Variants in COL6A3 observed in about 807,000 individuals in gnomAD.
COL6A3 encodes the protein collagen alpha-3(VI) chain.
COL6A3 carries 137 observed loss-of-function variants against 274.1 expected under a neutral mutation model. The ratio of observed to expected loss-of-function variants is 0.50; its 90% confidence interval spans 0.44 to 0.58. The LOEUF (loss-of-function observed/expected upper bound fraction) is 0.58. Ranked by LOEUF, COL6A3 falls within the 20% of genes least tolerant of loss-of-function variation. The probability of loss-of-function intolerance (pLI) is 0.00; values close to 1 mark genes in which losing one functional copy is unlikely to be tolerated. For synonymous variants in COL6A3, 1,650 were observed against 1,650.6 expected (o/e 1.00, Z 0.01); for missense variants, 3,950 against 4,124.9 (o/e 0.96, Z 1.16).
intron 3 of COL6A3, among the ~76,000 whole-genome samples, chr2:237,389,536 A>T (rs533673231): frequency 4.6e-5 from 7 of 152,318 alleles, no homozygotes; most frequent in African/African-American, 1.4e-4. Flanking sequence ...TCCTTGTGCC[A>T]ACAAAATTGT....
At chr2:237,377,639 G>A (rs2077884339) in intron 6 of COL6A3, among the ~76,000 whole-genome samples, 2 of 152,152 alleles carry the variant, frequency 1.3e-5, no homozygotes, top group East Asian at 3.8e-4. Context: ...TACATCAGGT[G>A]GCAATCGCTC....
intron 11 of COL6A3, 75 bp downstream of exon 11, chr2:237,366,612 A>C: frequency 6.2e-7 from 1 of 1,610,202 alleles, no homozygotes; most frequent in South Asian, 1.1e-5. Flanking sequence ...AGAGGTCAGC[A>C]CCAGGGACCA....
At chr2:237,402,114 C>T (rs1377741753) in intron 1 of COL6A3, among the ~76,000 whole-genome samples, 1 of 152,030 alleles carries the variant, frequency 6.6e-6, no homozygotes, top group Non-Finnish European at 1.5e-5. Flanking sequence ...TGAAATAAGC[C>T]AGTCACTAAA....
At position 237,377,224 on chromosome 2, in the gene COL6A3, G is replaced by A. The variant is rs1353760988; in HGVS notation, c.2618C>T (p.Thr873Ile). The A allele has an allele frequency of 6.2e-7, 1 of 1,613,266 alleles. No individual in the cohort carries two copies. Among genetic ancestry groups the A allele is most frequent in the South Asian group, 1.1e-5 (1 of 91,076 alleles). Residue 873 changes from threonine (T) to isoleucine (I), a missense_variant, in exon 7 of 44, where the codon ACC becomes ATC. Transcript: ENST00000295550. ...GCTGTACTGAGCCACCGCAATTCGG[G>A]TCCCCTCTGGCTTCACATTGAGCTC... ...IDELNVKPEGTRIAVAQYSDD... is the reference protein window; with the variant it reads ...IDELNVKPEGIRIAVAQYSDD...
rs969231275 is a variant in COL6A3, at chr2:237,360,005, G to A, written c.6282+83C>T. 1.5e-5 allele frequency: 21 copies of A among 1,402,942 alleles called. No individual in the cohort carries two copies. The South Asian group carries it at 2.0e-4, about 13-fold the overall frequency. 86.9% of individuals were successfully genotyped at this position (1,402,942 alleles called of 1,614,324 possible). On this transcript the variant is annotated intron_variant, in intron 17 of 43. Coordinates refer to ENST00000295550, the MANE Select transcript of COL6A3 (RefSeq NM_004369.4). ...CTGAGGTCAAGAAGCCTGGACCAGC[G>A]CCTCCCTCCCTGGCAGCATCTGGAG...
chr2:237,376,695 C>T, intron 7 of COL6A3, 77 bp downstream of exon 7: 1 of 1,426,284 alleles, frequency 7.0e-7, no homozygotes, highest in Non-Finnish European at 9.9e-7. Context: ...TATCTAAGGA[C>T]CAGTGGCCAG....
intron 13 of COL6A3, among the ~76,000 whole-genome samples, 190 bp from the exon 14 acceptor site, chr2:237,363,588 G>T (rs1284848013): frequency 6.6e-6 from 1 of 152,176 alleles, no homozygotes; most frequent in East Asian, 1.9e-4. Context: ...CTGAATAATT[G>T]TTTCCGGTAT....
Position 237,378,833 on chromosome 2 carries a change from G to A in COL6A3, c.2300C>T (p.Thr767Ile), listed in dbSNP as rs746792110. The A allele has an allele frequency of 1.9e-6, 3 of 1,614,258 alleles. No individual in the cohort carries two copies. The highest frequency in any genetic ancestry group is 2.2e-5 in the East Asian group (1 of 44,890). Residue 767 changes from threonine to isoleucine, a missense_variant, in exon 6 of 44, where the codon ACA (threonine) becomes ATA (isoleucine). This residue lies in a region of COL6A3 where 1,934 missense variants were observed against 1,984.3 expected (regional missense o/e 0.97). Transcript: ENST00000295550. ...ACAAAAAGTCAGGATGCCCGCGCGT[G>A]TCAAGGCGTTGGCAGCTTGCAAATA... ...DSYLQAANAL[T>I]RAGILTFCVG... is the part of the protein sequence containing the mutation.
At chr2:237,402,565 T>A (rs553710151) in intron 1 of COL6A3, among the ~76,000 whole-genome samples, 4 of 152,266 alleles carry the variant, frequency 2.6e-5, no homozygotes, top group East Asian at 1.9e-4. Flanking sequence ...CAACTAAACA[T>A]CCTAAAGTGT....
In COL6A3 at chr2:237,383,308, C is replaced by T. The variant is rs79614514; in HGVS notation, c.1313-1809G>A. On this transcript the variant is annotated intron_variant, in intron 4 of 43. Transcript: ENST00000295550. ...CGTCCTTAATACAATAACACAGTTG[C>T]CTACTGGTGTAACAATGTGTGCAGA... Among the ~76,000 whole-genome samples, 855 of 152,298 alleles carry T rather than the reference C, an allele frequency of 5.6e-3. 4 individuals are homozygous for T. Among genetic ancestry groups the T allele is most frequent in the African/African-American group, 0.02 (816 of 41,564 alleles).
intron 25 of COL6A3, among the ~76,000 whole-genome samples, chr2:237,353,038 A>G (rs963500603): frequency 1.3e-5 from 2 of 152,198 alleles, no homozygotes; most frequent in African/African-American, 4.8e-5. Flanking sequence ...CTGCCTAGTA[A>G]ATGATTCCAT....
Position 237,374,325 on chromosome 2 carries a change from A to T in COL6A3, c.3679+87T>A. 6.3e-7 allele frequency: 1 copy of T among 1,585,048 alleles called. No homozygotes were observed. The highest frequency in any genetic ancestry group is 1.1e-5 in the South Asian group (1 of 89,652). On this transcript the variant is annotated intron_variant, in intron 8 of 43. Transcript: ENST00000295550. This position sits in a 1 kb window ranked among gnomAD's most constrained non-coding sequence, Gnocchi z 4.8. ...TTCACTTCACATGGCAGGAAAAGCA[A>T]AATTGAGAACACCTTGTGGCCCACA...
chr2:237,397,050 G>GATAC (rs1553566362), intron 1 of COL6A3, among the ~76,000 whole-genome samples: 5 of 149,992 alleles, frequency 3.3e-5, no homozygotes, highest in Admixed American at 2.7e-4. Context: ...TAGATAGATA[G>GATAC]ATAGATAAAA....
rs148877230 is a variant in COL6A3, at chr2:237,363,271, A to G, written c.6045T>C (p.Tyr2015=). The G allele has an allele frequency of 1.7e-5, 27 of 1,613,960 alleles. No homozygotes were observed. In the African/African-American group the frequency reaches 2.8e-4, roughly 17 times the overall value. Residue 2015 remains tyrosine (Y), a synonymous_variant, in exon 14 of 44, where the codon TAT becomes TAC. Coordinates refer to ENST00000295550, the MANE Select transcript of COL6A3 (RefSeq NM_004369.4). ...PLRLNLLDLD[Y]ELAEQLDNIA... ...AACTCACAAGCTGCTCCGCTAGTTC[A>G]TAATCCAAGTCCAGCAAGTTAAGCC...
intron 3 of COL6A3, among the ~76,000 whole-genome samples, chr2:237,390,582 C>T (rs1306325306): frequency 6.6e-6 from 1 of 152,160 alleles, no homozygotes; most frequent in African/African-American, 2.4e-5. Flanking sequence ...TGTATCACAT[C>T]CTCTGTGGTG....
At chr2:237,327,511 ACGGCACTGGTGTTTTCT>A (rs1323613677) in intron 42 of COL6A3, 1 of 152,176 alleles carries the variant, frequency 6.6e-6, no homozygotes, top group Non-Finnish European at 1.5e-5. Flanking sequence ...GTTCCACACC[ACGGCACTGGTGTTTTCT>A]GCCCTTATTT....
Position 237,340,489 on chromosome 2 carries a change from C to G in COL6A3, c.8427G>C (p.Leu2809Phe). ...DKSTELNEEP[L>F]MRFGRLLPSF... ...ATGGCAACAGCCTCCCGAAGCGCAT[C>G]AAAGGCTCCTCGTTGAGCTCGGTGG... Residue 2809 changes from leucine (L) to phenylalanine (F), a missense_variant, in exon 38 of 44, where the codon TTG (leucine) becomes TTC (phenylalanine). Physicochemically the swap from Leu to Phe is conservative, Grantham distance 22. This residue lies in a region of COL6A3 where 1,284 missense variants were observed against 1,349.7 expected (regional missense o/e 0.95). Coordinates refer to ENST00000295550, the MANE Select transcript of COL6A3 (RefSeq NM_004369.4). 1 of 1,614,046 alleles carries G rather than the reference C, an allele frequency of 6.2e-7. No homozygotes were observed. Among genetic ancestry groups the G allele is most frequent in the Non-Finnish European group, 8.5e-7 (1 of 1,180,040 alleles).
intron 27 of COL6A3, among the ~76,000 whole-genome samples, chr2:237,350,584 C>T (rs1199158273): frequency 6.6e-6 from 1 of 152,176 alleles, no homozygotes; most frequent in Non-Finnish European, 1.5e-5. Context: ...GCAGTCTTTT[C>T]GGACTGGTTA....
In COL6A3 at chr2:237,366,039, G is replaced by C. The variant is rs143237699; in HGVS notation, c.5501-4C>G. 7.4e-5 allele frequency: 120 copies of C among 1,613,154 alleles called. No homozygotes were observed. The highest frequency in any genetic ancestry group is 5.0e-4 in the Middle Eastern group (3 of 6,048). On this transcript the variant is annotated splice_polypyrimidine_tract_variant and splice_region_variant and intron_variant, in intron 11 of 43. Coordinates refer to ENST00000295550, the MANE Select transcript of COL6A3 (RefSeq NM_004369.4). ...AGAATCACATCCAGATTACAAGCTGGAAAGGAGAAATGCAGGTGATGAGTT... is the reference window on the plus strand; with the variant it reads ...AGAATCACATCCAGATTACAAGCTGCAAAGGAGAAATGCAGGTGATGAGTT...
Sources: gnomAD v4.1 joint callset for allele counts (sites outside exome capture counted in the v4.1 genomes callset) on GRCh38, gnomAD v4.1.1 for gene constraint, gnomAD v4.1.1 regional missense constraint, Gnocchi (gnomAD v3.1) non-coding constraint, MANE v1.5 for transcripts, NCBI Gene and HGNC (gene_info 2026-07-23, HGNC 2026-07-21) for gene names.